The following ZFP62 variants were observed in gnomAD, a reference collection of about 807,000 sequenced individuals.
ZFP62 encodes the protein zinc finger protein 62 homolog.
Under a neutral mutation model 56.4 loss-of-function variants are expected in ZFP62, and 44 were observed. The ratio of observed to expected loss-of-function variants is 0.78; its 90% CI spans 0.61 to 1.00. The LOEUF (loss-of-function observed/expected upper bound fraction) is 1.00. Ranked by LOEUF, ZFP62 falls within the 50% of genes least tolerant of loss-of-function variation. The probability of loss-of-function intolerance (pLI) is 0.00; values close to 1 mark genes in which losing one functional copy is unlikely to be tolerated. For synonymous variants in ZFP62, 421 were observed against 388.9 expected, an observed-to-expected ratio of 1.08 and a Z score of -0.97; for missense variants, 1,030 against 1,085.7, an observed-to-expected ratio of 0.95 and a Z score of 0.72.
chr5:180,861,130 C>G, intron 1 of ZFP62, 89 bp downstream of exon 1: 1 of 398,924 alleles, frequency 2.5e-6, no homozygotes, highest in Non-Finnish European at 4.4e-6. Context: ...GCCCGAGACC[C>G]GCGGAGCAGC....
At chr5:180,855,070 T>C (rs1478294523) in intron 1 of ZFP62, among the ~76,000 whole-genome samples, 3 of 152,210 alleles carry the variant, frequency 2.0e-5, no homozygotes, top group African/African-American at 7.2e-5. Context: ...TTAGGAAATA[T>C]ACGCTGAAGT....
chr5:180,837,663 C>T, the ZFP62 span, among the ~76,000 whole-genome samples: 7 of 152,282 alleles, frequency 4.6e-5, no homozygotes, highest in African/African-American at 1.7e-4. Context: ...ACAATTTCTC[C>T]CATTGAAATT....
the ZFP62 span, among the ~76,000 whole-genome samples, chr5:180,837,109 C>G: frequency 6.6e-6 from 1 of 152,206 alleles, no homozygotes; most frequent in South Asian, 2.1e-4. Flanking sequence ...ATCCCAGTCT[C>G]TATTTCAGGC....
At chr5:180,842,778 A>C (rs1773333844), downstream of ZFP62, among the ~76,000 whole-genome samples, 1 of 152,150 alleles carries the variant, frequency 6.6e-6, no homozygotes, top group African/African-American at 2.4e-5. Flanking sequence ...ATGGTGGCTC[A>C]TGCCTGTAAT....
At chr5:180,839,365 T>A in the ZFP62 span, among the ~76,000 whole-genome samples, 1 of 152,202 alleles carries the variant, frequency 6.6e-6, no homozygotes, top group Non-Finnish European at 1.5e-5. Flanking sequence ...AATTACTTAG[T>A]TTCTTTCATA....
chr5:180,830,889 G>A, the ZFP62 span: 3 of 152,368 alleles, frequency 2.0e-5, no homozygotes, highest in Non-Finnish European at 2.9e-5. Flanking sequence ...GGCGCAGGGA[G>A]GGAGAGACGG....
downstream of ZFP62, among the ~76,000 whole-genome samples, chr5:180,847,148 A>T (rs1210853973): frequency 6.6e-6 from 1 of 152,246 alleles, no homozygotes; most frequent in East Asian, 1.9e-4. Context: ...GTTCTCTTGT[A>T]AAGACAATGG....
intron 1 of ZFP62, among the ~76,000 whole-genome samples, chr5:180,854,574 A>G (rs1773875010): frequency 6.8e-6 from 1 of 148,116 alleles, no homozygotes; most frequent in East Asian, 2.1e-4. Context: ...TATAATGCTT[A>G]AATTATTTAC....
In ZFP62 at chr5:180,849,975, C is replaced by A; in HGVS notation, c.1520G>T (p.Cys507Phe). 2 of 1,551,676 alleles carry A rather than the reference C, an allele frequency of 1.3e-6. No homozygotes were observed. The highest frequency in any genetic ancestry group is 1.7e-6 in the Non-Finnish European group (2 of 1,146,984). The change falls in exon 2 of 2, where the codon TGT (cysteine) becomes TTT (phenylalanine). Residue 507 changes from cysteine to phenylalanine, a missense_variant. Physicochemically the swap from Cys to Phe is radical, Grantham distance 205. Transcript: ENST00000502412. ...GIHLGEKPYK[C>F]SYCEKSFNYS... ...GTTGAAGGATTTCTCACAATAGCTA[C>A]ATTTATAGGGCTTCTCCCCAAGGTG...
intron 1 of ZFP62, among the ~76,000 whole-genome samples, chr5:180,855,075 TG>T (rs1445442985): frequency 6.6e-6 from 1 of 152,202 alleles, no homozygotes; most frequent in Non-Finnish European, 1.5e-5. Flanking sequence ...AAATATACGC[TG>T]AAGTATTTAG....
At chr5:180,839,832 T>C in the ZFP62 span, among the ~76,000 whole-genome samples, 2 of 152,246 alleles carry the variant, frequency 1.3e-5, no homozygotes, top group Non-Finnish European at 2.9e-5. Flanking sequence ...GCTTGCCTCC[T>C]ACCCCCTTAA....
Position 180,850,643 on chromosome 5 carries a change from G to T in ZFP62, c.852C>A (p.Asp284Glu). The T allele has an allele frequency of 6.3e-7, 1 of 1,580,328 alleles. No homozygotes were observed. Among genetic ancestry groups the T allele is most frequent in the Non-Finnish European group, 8.6e-7 (1 of 1,163,060 alleles). The change falls in exon 2 of 2, where the codon GAC becomes GAA. Residue 284 changes from aspartate (D) to glutamate (E), a missense_variant. By Grantham distance (45) the Asp-to-Glu change is conservative. Coordinates refer to ENST00000502412, the MANE Select transcript of ZFP62 (RefSeq NM_001172638.2). Reference protein sequence around the residue: ...IHTGEKPYECDICGKTFSNSS... With the variant: ...IHTGEKPYECEICGKTFSNSS... ...TGTTACTGAAGGTTTTCCCACAGAT[G>T]TCGCATTCATAGGGCTTCTCCCCCG...
the ZFP62 span, among the ~76,000 whole-genome samples, chr5:180,841,998 A>T: frequency 6.6e-6 from 1 of 152,194 alleles, no homozygotes; most frequent in Admixed American, 6.5e-5. Context: ...GTGAGCCCAG[A>T]TTTTGCCACT....
the ZFP62 span, among the ~76,000 whole-genome samples, chr5:180,827,518 C>T: frequency 6.6e-6 from 1 of 151,958 alleles, no homozygotes; most frequent in South Asian, 2.1e-4. Context: ...TAAGAGTCAT[C>T]ACCACTCCCT....
chr5:180,853,914 G>C (rs751019646), intron 1 of ZFP62, among the ~76,000 whole-genome samples: 11 of 152,206 alleles, frequency 7.2e-5, no homozygotes, highest in Non-Finnish European at 1.3e-4. Flanking sequence ...AGGCGAAAAT[G>C]AACCTTGGGA....
At chr5:180,836,970 TA>T in the ZFP62 span, among the ~76,000 whole-genome samples, 2 of 152,220 alleles carry the variant, frequency 1.3e-5, no homozygotes, top group Admixed American at 1.3e-4. Context: ...TGAATAGCTA[TA>T]AAACCCACAT....
the ZFP62 span, chr5:180,831,624 G>C: frequency 1.3e-5 from 2 of 152,592 alleles, no homozygotes; most frequent in East Asian, 3.8e-4. Flanking sequence ...GGGACGCCGG[G>C]AGGCGGGGCC....
In ZFP62 at chr5:180,854,978, T is replaced by C. The variant is rs374587783; in HGVS notation, c.2-3485A>G. Among the ~76,000 whole-genome samples, 32 of 152,334 alleles carry C rather than the reference T, an allele frequency of 2.1e-4. No homozygotes were observed. The East Asian group carries it at 2.7e-3, about 13-fold the overall frequency. On this transcript the variant is annotated intron_variant, in intron 1 of 1. Transcript: ENST00000502412. The stretch of plus-strand genomic sequence containing the variant: ...GCTGAAAAAGTTGGAAAATGGATGG[T>C]AGACTAGGTAAAAGCAGTATCAACT...
At chr5:180,859,949 A>G (rs1328705865) in intron 1 of ZFP62, among the ~76,000 whole-genome samples, 2 of 152,244 alleles carry the variant, frequency 1.3e-5, no homozygotes, top group East Asian at 3.8e-4. Context: ...TGAAGTAACA[A>G]CAAATTGGAG....
Sources: allele counts gnomAD v4.1 joint callset (sites outside exome capture counted in the v4.1 genomes callset), GRCh38; gene constraint gnomAD v4.1.1; transcripts MANE v1.5; gene names NCBI Gene and HGNC (gene_info 2026-07-23, HGNC 2026-07-21).